Variants in SELENOO observed in about 807,000 individuals in gnomAD.
SELENOO encodes the protein protein adenylyltransferase SelO, mitochondrial.
Under a neutral mutation model 58.7 loss-of-function variants are expected in SELENOO, and 74 were observed. That is an observed-to-expected ratio of 1.26 (90% CI 1.04 to 1.53). The LOEUF (loss-of-function observed/expected upper bound fraction) is 1.53. Ranked by LOEUF, SELENOO falls within the 40% of genes most tolerant of loss-of-function variation. The pLI is 0.00. For missense variants in SELENOO, 1,149 were observed against 970.0 expected, an observed-to-expected ratio of 1.18 and a Z score of -2.45; for synonymous variants, 543 against 453.2, an observed-to-expected ratio of 1.20 and a Z score of -2.52.
chr22:50,209,119 G>A (rs1049625700), intron 3 of SELENOO: 25 of 173,180 alleles, frequency 1.4e-4, no homozygotes, highest in Non-Finnish European at 3.0e-4. Flanking sequence ...CTGGGTCCCC[G>A]CCCCACGGAC....
Position 50,201,197 on chromosome 22 carries a change from CCCT to C in SELENOO, c.162_164del (p.Leu55del), listed in dbSNP as rs1569098626. 5 of 1,199,150 alleles carry C rather than the reference CCCT, an allele frequency of 4.2e-6. No individual in the cohort carries two copies. Among genetic ancestry groups the C allele is most frequent in the South Asian group, 3.9e-5 (1 of 25,528 alleles). The allele number at this position is 1,199,150 out of a possible 1,614,324, so 74.3% of individuals were successfully genotyped here. Reference sequence around the variant, plus strand: ...GCGGGGCTGCGCTTCGACAACCGCGCCCTGCGCGCCCTGCCCGTGGAGGCGCCG... The same window carrying C: ...GCGGGGCTGCGCTTCGACAACCGCGCGCGCGCCCTGCCCGTGGAGGCGCCG... On this transcript the variant is annotated inframe_deletion, in exon 1 of 9. Transcript: ENST00000380903.
Position 50,206,355 on chromosome 22 carries a change from G to C in SELENOO, c.593G>C (p.Arg198Pro). 1 of 1,614,070 alleles carries C rather than the reference G, an allele frequency of 6.2e-7. No homozygotes were observed. Among genetic ancestry groups the C allele is most frequent in the Non-Finnish European group, 8.5e-7 (1 of 1,180,036 alleles). The change falls in exon 2 of 9, where the codon CGG (arginine) becomes CCG (proline). Residue 198 changes from arginine (R) to proline (P), a missense_variant. Physicochemically the swap from Arg to Pro is moderately radical, Grantham distance 103 (BLOSUM62 -2). Transcript: ENST00000380903. ...DGRKVLRSSI[R>P]EFLCSEAMFH... is the part of the protein sequence containing the mutation. ...CGCAAGGTCCTACGGTCAAGCATCC[G>C]GGAGTTTCTATGCAGCGAAGCCATG...
rs1472744659 is a variant in SELENOO, at chr22:50,201,062, G to A, written c.26G>A (p.Gly9Glu). 3.1e-5 allele frequency: 42 copies of A among 1,357,398 alleles called. 1 individual carries two copies. The African/African-American group carries it at 4.9e-4, about 16-fold the overall frequency. The allele number at this position is 1,357,398 out of a possible 1,614,324, so 84.1% of individuals were successfully genotyped here. Reference protein sequence around the residue: MAVYRAALGASLAAARLLP... With the variant: MAVYRAALEASLAAARLLP... ...ATGGCCGTATACAGGGCAGCGCTCG[G>A]GGCTTCGCTCGCGGCTGCCCGACTC... is the stretch of plus-strand genomic sequence containing the variant. The change falls in exon 1 of 9, where the codon GGG (glycine) becomes GAG (glutamate). Residue 9 changes from glycine (G) to glutamate (E), a missense_variant. By Grantham distance (98) the Gly-to-Glu change is moderately conservative (BLOSUM62 -2). Transcript: ENST00000380903.
intron 2 of SELENOO, among the ~76,000 whole-genome samples, chr22:50,206,893 G>GC (rs1332539044): frequency 3.6e-5 from 2 of 56,118 alleles, no homozygotes; most frequent in African/African-American, 1.5e-4. Context: ...TGGTGCTTCT[G>GC]GGGGGGAGGG....
chr22:50,211,100 A>G (rs1264669567), intron 5 of SELENOO, among the ~76,000 whole-genome samples, 189 bp downstream of exon 5: 2 of 152,130 alleles, frequency 1.3e-5, no homozygotes, highest in Non-Finnish European at 2.9e-5. Context: ...GTGGAGTCAT[A>G]CGGTGCTTGT....
At chr22:50,214,698 G>A (rs2064393782) in intron 5 of SELENOO, among the ~76,000 whole-genome samples, 1 of 152,224 alleles carries the variant, frequency 6.6e-6, no homozygotes, top group African/African-American at 2.4e-5. Flanking sequence ...CCAGGAGGCG[G>A]AGGTTGCAGT....
Position 50,210,311 on chromosome 22 carries a change from G to T in SELENOO, c.1070G>T (p.Arg357Met). Residue 357 changes from arginine to methionine, a missense_variant and splice_region_variant, in exon 4 of 9, where the codon AGG (arginine) becomes ATG (methionine). Coordinates refer to ENST00000380903, the MANE Select transcript of SELENOO (RefSeq NM_031454.2). ...IDYGPFGFLDRYDPDHVCNAS... is the reference protein window; with the variant it reads ...IDYGPFGFLDMYDPDHVCNAS... ...TACGGGCCCTTTGGCTTCCTGGACA[G>T]GTAAGTGGCCCTGGGGCCCAGCAAA... 6.2e-7 allele frequency: 1 copy of T among 1,613,042 alleles called. No individual in the cohort carries two copies. The highest frequency in any genetic ancestry group is 8.5e-7 in the Non-Finnish European group (1 of 1,179,908).
chr22:50,217,123 T>G lies in SELENOO; in HGVS notation c.1840T>G (p.Ser614Ala), dbSNP rs754892810. Residue 614 changes from serine (S) to alanine (A), a missense_variant, in exon 8 of 9, where the codon TCA (serine) becomes GCA (alanine). Transcript: ENST00000380903. Reference protein sequence around the residue: ...AIEAAERGDFSEVRRVLKLLE... With the variant: ...AIEAAERGDFAEVRRVLKLLE... ...CGAGGCTGCCGAGCGCGGGGACTTC[T>G]CAGAGGCAAGCACACGCCTGTCCCT... The G allele has an allele frequency of 4.6e-5, 74 of 1,612,708 alleles. No homozygotes were observed. The highest frequency in any genetic ancestry group is 6.2e-5 in the Non-Finnish European group (73 of 1,179,798).
intron 5 of SELENOO, among the ~76,000 whole-genome samples, chr22:50,214,062 C>G (rs1262988347): frequency 1.3e-5 from 2 of 152,148 alleles, no homozygotes; most frequent in African/African-American, 2.4e-5. Flanking sequence ...TTTGGGCTTT[C>G]TTATTGGGTG....
At chr22:50,207,666 C>T (rs1009595466) in intron 2 of SELENOO, among the ~76,000 whole-genome samples, 1 of 150,008 alleles carries the variant, frequency 6.7e-6, no homozygotes, top group African/African-American at 2.5e-5. Flanking sequence ...GTGAAGTCCA[C>T]CCTGTGTGCA....
At chr22:50,203,266 A>C (rs988017841) in intron 1 of SELENOO, among the ~76,000 whole-genome samples, 1 of 152,034 alleles carries the variant, frequency 6.6e-6, no homozygotes, top group African/African-American at 2.4e-5. Context: ...AATTGCAGCT[A>C]CTCAGGAGAC....
chr22:50,210,535 T>G (rs1178550561), intron 4 of SELENOO, 96 bp from the exon 5 acceptor site: 5 of 1,568,076 alleles, frequency 3.2e-6, no homozygotes, highest in Admixed American at 3.4e-5. Flanking sequence ...CACGGCCACT[T>G]GGGACCTTCC....
In SELENOO at chr22:50,208,404, T is replaced by C. The variant is rs2064346225; in HGVS notation, c.759-132T>C. 7 of 789,894 alleles carry C rather than the reference T, an allele frequency of 8.9e-6. No homozygotes were observed. The East Asian group carries it at 1.9e-4, about 22-fold the overall frequency. The allele number at this position is 789,894 out of a possible 1,614,324, so 48.9% of individuals were successfully genotyped here. A position where few individuals can be genotyped will look rare whatever the true frequency, so the allele number is the denominator to read the frequency against. ...GAGATCGCGCCACTGCACTCCAGCC[T>C]GGACAACAAGAGTGAGACTCCATCT... On this transcript the variant is annotated intron_variant, in intron 2 of 8. Coordinates refer to ENST00000380903, the MANE Select transcript of SELENOO (RefSeq NM_031454.2).
rs139913333 is a variant in SELENOO at position 50,217,386 on chromosome 22, C to T, written c.*17C>T. ...TCTTCGTAACGGCCTCGGCACGCTC[C>T]ACACCCCTGGAGTCTCCCGAGGCCC... On this transcript the variant is annotated 3_prime_UTR_variant, in exon 9 of 9. Coordinates refer to ENST00000380903, the MANE Select transcript of SELENOO (RefSeq NM_031454.2). 1,499 of 1,611,986 alleles carry T rather than the reference C, an allele frequency of 9.3e-4. 18 individuals carry two copies. The African/African-American group carries it at 0.018, about 20-fold the overall frequency.
chr22:50,204,493 G>A (rs2064319929), intron 1 of SELENOO, among the ~76,000 whole-genome samples: 6 of 152,172 alleles, frequency 3.9e-5, no homozygotes, highest in Admixed American at 2.6e-4. Flanking sequence ...CGGGCATGGT[G>A]GAGCGTGCCT....
chr22:50,209,758 C>T (rs559452209), intron 3 of SELENOO, among the ~76,000 whole-genome samples: 1 of 152,198 alleles, frequency 6.6e-6, no homozygotes, highest in African/African-American at 2.4e-5. Flanking sequence ...CTCAAGGTTA[C>T]CGGTGCTGGG....
At chr22:50,204,146 C>G (rs1052332620) in intron 1 of SELENOO, among the ~76,000 whole-genome samples, 1 of 152,176 alleles carries the variant, frequency 6.6e-6, no homozygotes, top group Non-Finnish European at 1.5e-5. Flanking sequence ...TGGGACAGCA[C>G]CTCATACCCA....
chr22:50,202,290 T>TCC (rs945763641), intron 1 of SELENOO, among the ~76,000 whole-genome samples: 19 of 152,138 alleles, frequency 1.2e-4, no homozygotes, highest in African/African-American at 3.9e-4. Flanking sequence ...TCTCATCACC[T>TCC]CCCCCTCCAG....
chr22:50,201,238 G>A lies in SELENOO; in HGVS notation c.202G>A (p.Glu68Lys). The A allele has an allele frequency of 1.8e-6, 2 of 1,123,960 alleles. No individual in the cohort carries two copies. The highest frequency in any genetic ancestry group is 3.7e-4 in the Middle Eastern group (1 of 2,704). 69.6% of individuals were successfully genotyped at this position (1,123,960 alleles called of 1,614,324 possible). Reference sequence around the variant, plus strand: ...CGTGGAGGCGCCGCCGCCCGGTCCCGAGGGCGCCCCGTCCGCGCCGCGGCC... The same window carrying A: ...CGTGGAGGCGCCGCCGCCCGGTCCCAAGGGCGCCCCGTCCGCGCCGCGGCC... Reference protein sequence around the residue: ...LPVEAPPPGPEGAPSAPRPVP... With the variant: ...LPVEAPPPGPKGAPSAPRPVP... Residue 68 changes from glutamate (E) to lysine (K), a missense_variant, in exon 1 of 9, where the codon GAG becomes AAG. Physicochemically the swap from Glu to Lys is moderately conservative, Grantham distance 56. Coordinates refer to ENST00000380903, the MANE Select transcript of SELENOO (RefSeq NM_031454.2).
Sources: gnomAD v4.1 joint callset for allele counts (sites outside exome capture counted in the v4.1 genomes callset) on GRCh38, gnomAD v4.1.1 for gene constraint, MANE v1.5 for transcripts, NCBI Gene and HGNC (gene_info 2026-07-23, HGNC 2026-07-21) for gene names.